FOXK2: variants seen among roughly 807,000 people sequenced by gnomAD.
FOXK2 encodes the protein forkhead box K2.
A neutral mutation model predicts 53.3 loss-of-function variants in FOXK2; 24 were observed. That is an observed-to-expected ratio of 0.45 (90% CI 0.33 to 0.63). The LOEUF is 0.63. Ranked by LOEUF, FOXK2 falls within the 30% of genes least tolerant of loss-of-function variation. FOXK2 has a pLI of 0.03. For synonymous variants in FOXK2, 505 were observed against 407.1 expected (o/e 1.24, Z -2.89); for missense variants, 952 against 910.5 (o/e 1.05, Z -0.59).
In FOXK2 at chr17:82,535,718, T is replaced by G. The variant is rs1441262767; in HGVS notation, c.419+15411T>G. On this transcript the variant is annotated intron_variant, in intron 1 of 8. Coordinates refer to ENST00000335255, the MANE Select transcript of FOXK2 (RefSeq NM_004514.4). ...CCTGTTTGGTTCACACACACGTTGT[T>G]TTCCTTATCTCTTTTAGTTGTGTGT... 2.0e-5 allele frequency among the ~76,000 whole-genome samples: 3 copies of G among 152,040 alleles called. 1 individual carries two copies. Among genetic ancestry groups the G allele is most frequent in the African/African-American group, 7.2e-5 (3 of 41,432 alleles).
chr17:82,572,403 C>T (rs3736204), intron 4 of FOXK2, among the ~76,000 whole-genome samples: 67,052 of 151,968 alleles, frequency 0.44, 14,960 homozygotes, highest in South Asian at 0.56. Flanking sequence ...CCGGGGAGCC[C>T]ACCTGGTCGT....
At chr17:82,596,042 C>T (rs2045306789) in intron 8 of FOXK2, 1 of 1,123,646 alleles carries the variant, frequency 8.9e-7, no homozygotes, top group Non-Finnish European at 1.1e-6. Context: ...GCATCTCTGG[C>T]CTACCGCAGT....
intron 3 of FOXK2, 81 bp downstream of exon 3, chr17:82,568,282 C>T (rs1315578521): frequency 6.6e-6 from 10 of 1,516,900 alleles, no homozygotes; most frequent in Non-Finnish European, 8.1e-6. Context: ...GCCTGTCACT[C>T]ACCTGCCTGT....
chr17:82,563,614 T>TC (rs1458673138), intron 2 of FOXK2, 66 bp downstream of exon 2: 1 of 1,434,934 alleles, frequency 7.0e-7, no homozygotes, highest in Admixed American at 2.2e-5. Flanking sequence ...GTAACGCCTT[T>TC]CTCCTTCCCT....
At chr17:82,544,849 G>A (rs768796867) in intron 1 of FOXK2, among the ~76,000 whole-genome samples, 1 of 152,060 alleles carries the variant, frequency 6.6e-6, no homozygotes, top group Non-Finnish European at 1.5e-5. Context: ...TGTGTCTGCA[G>A]TGCTACTGTC....
chr17:82,597,601 T>C (rs62079673), intron 8 of FOXK2, among the ~76,000 whole-genome samples: 79,652 of 152,100 alleles, frequency 0.52, 21,625 homozygotes, highest in Non-Finnish European at 0.59. Context: ...ACAGAGGCTC[T>C]GTGAGGGCAG....
chr17:82,525,787 T>A (rs936790177), intron 1 of FOXK2, among the ~76,000 whole-genome samples: 1 of 152,212 alleles, frequency 6.6e-6, no homozygotes, highest in Admixed American at 6.5e-5. Flanking sequence ...AAATTAAAAC[T>A]CTGTTTATTT....
intron 1 of FOXK2, among the ~76,000 whole-genome samples, chr17:82,532,726 C>T (rs1436202320): frequency 6.6e-6 from 1 of 151,738 alleles, no homozygotes; most frequent in South Asian, 2.1e-4. Flanking sequence ...AGCCACCTCA[C>T]CTGGCTAATT....
At chr17:82,601,116 C>G in intron 8 of FOXK2, 187 bp from the exon 9 acceptor site, 2 of 614,352 alleles carry the variant, frequency 3.3e-6, no homozygotes, top group Non-Finnish European at 5.5e-6. Context: ...CCTTGGCCAC[C>G]GTGGGCCAGT....
At chr17:82,573,551 C>CTG (rs1378820727) in intron 4 of FOXK2, among the ~76,000 whole-genome samples, 4 of 107,050 alleles carry the variant, frequency 3.7e-5, no homozygotes, top group African/African-American at 1.4e-4. Flanking sequence ...CTCTCTCTCT[C>CTG]TCTCTCTCTC....
At chr17:82,546,331 G>A (rs2044625480) in intron 1 of FOXK2, among the ~76,000 whole-genome samples, 1 of 151,980 alleles carries the variant, frequency 6.6e-6, no homozygotes, top group Non-Finnish European at 1.5e-5. Flanking sequence ...TGGCCAGGCT[G>A]GTCTCAAACT....
intron 1 of FOXK2, among the ~76,000 whole-genome samples, chr17:82,554,177 C>T (rs1388996419): frequency 2.0e-5 from 3 of 152,152 alleles, no homozygotes; most frequent in African/African-American, 4.8e-5. Flanking sequence ...TTTGACAAAT[C>T]GGCTAGTTGG....
chr17:82,548,882 G>A (rs779691830), intron 1 of FOXK2, among the ~76,000 whole-genome samples: 2 of 152,078 alleles, frequency 1.3e-5, no homozygotes, highest in African/African-American at 2.4e-5. Flanking sequence ...TCCGAGGAGC[G>A]GTTGCGTCTC....
chr17:82,597,683 T>C (rs1567990631), intron 8 of FOXK2, among the ~76,000 whole-genome samples: 2 of 152,184 alleles, frequency 1.3e-5, no homozygotes, highest in East Asian at 1.9e-4. Flanking sequence ...AGAGTTTTGC[T>C]TTTGTTGCCC....
chr17:82,582,939 G>A lies in FOXK2; in HGVS notation c.1103+5G>A. On this transcript the variant is annotated splice_donor_5th_base_variant and intron_variant, in intron 5 of 8. Transcript: ENST00000335255. Reference sequence around the variant, plus strand: ...TCTGGGACCGCTCTCTTCTAGGTAAGGAAAAAGAAGAACAAAAGGCCTCAC... The same window carrying A: ...TCTGGGACCGCTCTCTTCTAGGTAAAGAAAAAGAAGAACAAAAGGCCTCAC... The A allele has an allele frequency of 6.5e-7, 1 of 1,532,274 alleles. No homozygotes were observed. Among genetic ancestry groups the A allele is most frequent in the Non-Finnish European group, 8.7e-7 (1 of 1,144,314 alleles). The allele number at this position is 1,532,274 out of a possible 1,614,324, so 94.9% of individuals were successfully genotyped here. A position where few individuals can be genotyped will look rare whatever the true frequency, so the allele number is the denominator to read the frequency against.
Position 82,584,125 on chromosome 17 carries a change from C to T in FOXK2, c.1216C>T (p.Pro406Ser). 6.2e-7 allele frequency: 1 copy of T among 1,610,978 alleles called. No homozygotes were observed. The change falls in exon 6 of 9, where the codon CCT becomes TCT. Residue 406 changes from proline (P) to serine (S), a missense_variant. This residue lies in a region of FOXK2 where 551 missense variants were observed against 385.1 expected (regional missense o/e 1.43). Coordinates refer to ENST00000335255, the MANE Select transcript of FOXK2 (RefSeq NM_004514.4). ...TTCGCCGGCCCCCCTGGAGCCTGAG[C>T]CTGGCGCTGCACAGCCCAAACTCGC... ...EGSPAPLEPEPGAAQPKLAVI... is the reference protein window; with the variant it reads ...EGSPAPLEPESGAAQPKLAVI...
In FOXK2 at chr17:82,601,395, C is replaced by T. The variant is rs1239356645; in HGVS notation, c.1879C>T (p.Pro627Ser). ...KRHNGDQPEQPELKRIKTEDG... is the reference protein window; with the variant it reads ...KRHNGDQPEQSELKRIKTEDG... ...CCACAACGGTGACCAGCCGGAGCAG[C>T]CGGAGCTGAAGCGGATCAAGACAGA... is the stretch of plus-strand genomic sequence containing the variant. Residue 627 changes from proline (P) to serine (S), a missense_variant, in exon 9 of 9, where the codon CCG (proline) becomes TCG (serine). This residue lies in a region of FOXK2 where 551 missense variants were observed against 385.1 expected (regional missense o/e 1.43). Coordinates refer to ENST00000335255, the MANE Select transcript of FOXK2 (RefSeq NM_004514.4). 1.2e-6 allele frequency: 2 copies of T among 1,613,374 alleles called. No homozygotes were observed. Among genetic ancestry groups the T allele is most frequent in the South Asian group, 2.2e-5 (2 of 91,064 alleles).
chr17:82,550,975 C>T (rs192228993), intron 1 of FOXK2, among the ~76,000 whole-genome samples: 4 of 152,258 alleles, frequency 2.6e-5, no homozygotes, highest in South Asian at 2.1e-4. Context: ...TGAGCCGGGT[C>T]GTTAGGTGTC....
At chr17:82,591,670 A>G (rs938453047) in intron 8 of FOXK2, among the ~76,000 whole-genome samples, 1 of 152,190 alleles carries the variant, frequency 6.6e-6, no homozygotes, top group South Asian at 2.1e-4. Flanking sequence ...AGATGTGGGA[A>G]GAGTCCAGGC....
Sources: gnomAD v4.1 joint callset for allele counts (sites outside exome capture counted in the v4.1 genomes callset) on GRCh38, gnomAD v4.1.1 for gene constraint, gnomAD v4.1.1 regional missense constraint, MANE v1.5 for transcripts, NCBI Gene and HGNC (gene_info 2026-07-23, HGNC 2026-07-21) for gene names.